The following IRAK1BP1 variants were observed in gnomAD, a reference collection of about 807,000 sequenced individuals.
IRAK1BP1 encodes the protein interleukin 1 receptor associated kinase 1 binding protein 1.
Under a neutral mutation model 28.0 loss-of-function variants are expected in IRAK1BP1, and 24 were observed. The observed-to-expected ratio is 0.86, with a 90% CI of 0.62 to 1.20. The LOEUF is 1.20. IRAK1BP1 is among the 50% of genes most tolerant of loss of function. The pLI is 0.00. For missense variants in IRAK1BP1, 336 were observed against 316.7 expected, an observed-to-expected ratio of 1.06 and a Z score of -0.46; for synonymous variants, 131 against 116.3, an observed-to-expected ratio of 1.13 and a Z score of -0.81.
At chr6:78,933,334 C>G (rs1773126150) in intron 4 of IRAK1BP1, among the ~76,000 whole-genome samples, 1 of 152,076 alleles carries the variant, frequency 6.6e-6, no homozygotes, top group Admixed American at 6.6e-5. Context: ...CATCATGAAC[C>G]AGGCCGGACG....
intron 4 of IRAK1BP1, chr6:78,936,348 A>G (rs1281994830): frequency 1.3e-5 from 2 of 151,906 alleles, no homozygotes; most frequent in East Asian, 1.9e-4. Context: ...TAAGTTTTCT[A>G]AAAGATCTTC....
downstream of IRAK1BP1, chr6:78,947,647 T>C (rs1773899191): frequency 6.8e-7 from 1 of 1,473,984 alleles, no homozygotes; most frequent in East Asian, 2.3e-5. Flanking sequence ...TTGGTGTATA[T>C]GCTTTGGAAT....
At chr6:78,909,839 ATTTCT>A (rs1191422854) in intron 4 of IRAK1BP1, among the ~76,000 whole-genome samples, 1 of 150,806 alleles carries the variant, frequency 6.6e-6, no homozygotes, top group Non-Finnish European at 1.5e-5. Context: ...GTTTGATGTT[ATTTCT>A]TTTCTTTTTT....
the IRAK1BP1 span, among the ~76,000 whole-genome samples, chr6:78,975,750 A>AT: frequency 6.6e-6 from 1 of 152,166 alleles, no homozygotes; most frequent in South Asian, 2.1e-4. Context: ...AGAGAGCCAA[A>AT]TCATGAGTGA....
chr6:78,885,809 T>G lies in IRAK1BP1; in HGVS notation c.381+366T>G, dbSNP rs191035185. 2.6e-3 allele frequency among the ~76,000 whole-genome samples: 399 copies of G among 152,292 alleles called. 2 individuals carry two copies. The highest frequency in any genetic ancestry group is 4.5e-3 in the Admixed American group (69 of 15,300). ...ATGCTTTTCAACATTCTTTTGTTTT[T>G]CAGTGCAATTTTACTGTATTGTGAT... On this transcript the variant is annotated intron_variant, in intron 2 of 3. Transcript: ENST00000369940.
intron 4 of IRAK1BP1, among the ~76,000 whole-genome samples, chr6:78,934,111 C>G (rs1375562413): frequency 6.6e-6 from 1 of 152,018 alleles, no homozygotes; most frequent in Non-Finnish European, 1.5e-5. Context: ...GAATAGAAGT[C>G]TCAAAAAGAG....
At chr6:78,891,135 G>A (rs1381163984) in intron 2 of IRAK1BP1, among the ~76,000 whole-genome samples, 2 of 152,134 alleles carry the variant, frequency 1.3e-5, no homozygotes, top group Non-Finnish European at 2.9e-5. Flanking sequence ...TATAGCTTTT[G>A]TCAGAGGGTT....
At chr6:78,945,833 TAATTC>T in exon 5 of IRAK1BP1, 1 of 625,788 alleles carries the variant, frequency 1.6e-6, no homozygotes, top group Non-Finnish European at 2.8e-6. Flanking sequence ...AACCTCAATT[TAATTC>T]TTCTTATTAA....
At chr6:78,934,922 T>G (rs1400046539) in intron 4 of IRAK1BP1, among the ~76,000 whole-genome samples, 1 of 152,202 alleles carries the variant, frequency 6.6e-6, no homozygotes, top group Non-Finnish European at 1.5e-5. Context: ...CTTCCACCAT[T>G]CTTTTCCCAA....
intron 1 of IRAK1BP1, among the ~76,000 whole-genome samples, chr6:78,873,791 A>G (rs139430870): frequency 5.2e-4 from 79 of 152,290 alleles, no homozygotes; most frequent in African/African-American, 1.8e-3. Context: ...ATTAACTAAT[A>G]TTTCCTGGTC....
intron 1 of IRAK1BP1, 83 bp from the exon 2 acceptor site, chr6:78,885,295 A>G (rs1771377382): frequency 2.8e-6 from 2 of 711,638 alleles, no homozygotes; most frequent in Admixed American, 2.8e-5. Context: ...TCTGATTTTA[A>G]TTAGTGTAGG....
chr6:78,915,450 T>C (rs955169272), intron 4 of IRAK1BP1, among the ~76,000 whole-genome samples: 2 of 152,186 alleles, frequency 1.3e-5, no homozygotes, highest in African/African-American at 4.8e-5. Context: ...GCAGGGAGTT[T>C]ATTAGATCAA....
At chr6:78,917,592 T>A (rs1264363477) in intron 4 of IRAK1BP1, among the ~76,000 whole-genome samples, 1 of 141,900 alleles carries the variant, frequency 7.0e-6, no homozygotes, top group Non-Finnish European at 1.5e-5. Flanking sequence ...AAAATGAACA[T>A]TGCCAAGGCA....
intron 4 of IRAK1BP1, among the ~76,000 whole-genome samples, chr6:78,926,565 T>C (rs1482109301): frequency 6.6e-6 from 1 of 152,168 alleles, no homozygotes; most frequent in Non-Finnish European, 1.5e-5. Context: ...GTATACACTT[T>C]AAGGAATTTA....
At chr6:78,943,527 AT>A (rs1219261041) in intron 4 of IRAK1BP1, among the ~76,000 whole-genome samples, 1 of 152,234 alleles carries the variant, frequency 6.6e-6, no homozygotes, top group Non-Finnish European at 1.5e-5. Context: ...TATGCAAAGC[AT>A]TTTGGTTATT....
chr6:78,903,127 T>C (rs1365657382), downstream of IRAK1BP1: 3 of 1,278,116 alleles, frequency 2.3e-6, no homozygotes, highest in Non-Finnish European at 3.2e-6. Flanking sequence ...TGGTTCATTA[T>C]AAGAGTGAGA....
At chr6:78,904,724 ATTG>A (rs1308516839), downstream of IRAK1BP1, among the ~76,000 whole-genome samples, 1 of 152,196 alleles carries the variant, frequency 6.6e-6, no homozygotes, top group East Asian at 1.9e-4. Context: ...ATCAAAAGAA[ATTG>A]TTTAGTTTGT....
At chr6:78,976,839 C>G in the IRAK1BP1 span, among the ~76,000 whole-genome samples, 1 of 123,718 alleles carries the variant, frequency 8.1e-6, no homozygotes, top group Non-Finnish European at 1.7e-5. Context: ...CCATCTCACA[C>G]CAGTTAGAAT....
the IRAK1BP1 span, chr6:78,954,745 T>C: frequency 4.4e-6 from 4 of 917,152 alleles, no homozygotes. Context: ...GTAACTAAAA[T>C]AGCCAACTGT....
Sources: allele counts gnomAD v4.1 joint callset (sites outside exome capture counted in the v4.1 genomes callset), GRCh38; gene constraint gnomAD v4.1.1; transcripts MANE v1.5; gene names NCBI Gene and HGNC (gene_info 2026-07-23, HGNC 2026-07-21).